The following RBFOX2 variants were observed in gnomAD, a reference collection of about 807,000 sequenced individuals.
RBFOX2 encodes the protein RNA binding fox-1 homolog 2.
A neutral mutation model predicts 49.1 loss-of-function variants in RBFOX2; 10 were observed. The ratio of observed to expected loss-of-function variants is 0.20; its 90% CI spans 0.13 to 0.35. RBFOX2 has a LOEUF of 0.35. RBFOX2 is among the 10% of genes least tolerant of loss of function. The probability of loss-of-function intolerance (pLI) is 1.00; values close to 1 mark genes in which losing one functional copy is unlikely to be tolerated. For missense variants in RBFOX2, 323 were observed against 486.9 expected, an observed-to-expected ratio of 0.66 and a Z score of 3.17; for synonymous variants, 183 against 187.4, an observed-to-expected ratio of 0.98 and a Z score of 0.19.
chr22:35,911,693 T>C (rs995881281), intron 1 of RBFOX2, among the ~76,000 whole-genome samples: 2 of 152,154 alleles, frequency 1.3e-5, no homozygotes, highest in African/African-American at 4.8e-5. Context: ...ATTGGTGGAA[T>C]CTCCCCTTCC....
intron 1 of RBFOX2, among the ~76,000 whole-genome samples, chr22:35,933,402 G>A (rs1258844390): frequency 6.6e-6 from 1 of 152,152 alleles, no homozygotes; most frequent in Admixed American, 6.6e-5. Flanking sequence ...AAACAAAATA[G>A]TACACTACAG....
At chr22:36,028,482 C>A in exon 1 of RBFOX2, 1 of 1,125,582 alleles carries the variant, frequency 8.9e-7, no homozygotes, top group South Asian at 4.4e-5. Context: ...GCCACCTCCC[C>A]CTGGGCCTCG....
At chr22:35,980,182 G>A (rs953784859) in intron 1 of RBFOX2, among the ~76,000 whole-genome samples, 4 of 152,046 alleles carry the variant, frequency 2.6e-5, no homozygotes, top group African/African-American at 9.7e-5. Flanking sequence ...ATATACTTAG[G>A]TCATGTAGGT....
At chr22:35,791,385 C>T (rs74707171) in intron 2 of RBFOX2, among the ~76,000 whole-genome samples, 1 of 130,012 alleles carries the variant, frequency 7.7e-6, no homozygotes, top group Admixed American at 7.6e-5. Flanking sequence ...AACTCTGTCT[C>T]AAAAAAAAAA....
intron 1 of RBFOX2, among the ~76,000 whole-genome samples, chr22:35,899,049 C>T (rs1387828167): frequency 1.3e-5 from 2 of 151,894 alleles, no homozygotes; most frequent in Non-Finnish European, 2.9e-5. Context: ...ACCCAGGAGG[C>T]AGAGGTTGCG....
At chr22:35,992,617 T>C (rs1039339354) in intron 1 of RBFOX2, 64 of 152,350 alleles carry the variant, frequency 4.2e-4, no homozygotes, top group African/African-American at 1.4e-3. Flanking sequence ...CTTCCCATTA[T>C]GATACCTAGT....
exon 11 of RBFOX2, chr22:35,745,939 T>C (rs1482519163): frequency 2.5e-6 from 4 of 1,613,484 alleles, no homozygotes; most frequent in Non-Finnish European, 3.4e-6. Flanking sequence ...GCCAACTCCA[T>C]AGCTAGCGGC....
rs1034256823 is a variant in RBFOX2 at position 35,987,627 on chromosome 22, A to G, written c.186+40613T>C. Reference sequence around the variant, plus strand: ...TTTACATCAGGTCAGCCTCTAGGGAATTAATCTGTCAGCCTGTCATAAAGA... The same window carrying G: ...TTTACATCAGGTCAGCCTCTAGGGAGTTAATCTGTCAGCCTGTCATAAAGA... On this transcript the variant is annotated intron_variant, in intron 1 of 13. Transcript: ENST00000438146. Among the ~76,000 whole-genome samples, 5 of 152,332 alleles carry G rather than the reference A, an allele frequency of 3.3e-5. No homozygotes were observed. In the East Asian group the frequency reaches 7.7e-4, roughly 23 times the overall value.
intron 1 of RBFOX2, among the ~76,000 whole-genome samples, chr22:35,954,753 C>T (rs901620031): frequency 6.6e-6 from 1 of 152,162 alleles, no homozygotes; most frequent in Non-Finnish European, 1.5e-5. Flanking sequence ...GGAAAATAAG[C>T]TAGGGATTCT....
intron 1 of RBFOX2, among the ~76,000 whole-genome samples, chr22:35,818,475 T>C (rs998852655): frequency 9.2e-5 from 14 of 152,222 alleles, no homozygotes; most frequent in African/African-American, 3.1e-4. Context: ...ATCTTCCATA[T>C]GCTAAACTGG....
At chr22:35,890,641 G>A (rs1284566944) in intron 1 of RBFOX2, among the ~76,000 whole-genome samples, 1 of 152,122 alleles carries the variant, frequency 6.6e-6, no homozygotes. Context: ...TTTAGGGATG[G>A]ACAAACCACA....
intron 1 of RBFOX2, among the ~76,000 whole-genome samples, chr22:35,829,322 G>A (rs570195412): frequency 6.6e-6 from 1 of 152,110 alleles, no homozygotes; most frequent in East Asian, 1.9e-4. Flanking sequence ...GTTAGAATTA[G>A]CAGATGAGGA....
chr22:35,874,809 T>C (rs2044804871), intron 1 of RBFOX2, among the ~76,000 whole-genome samples: 2 of 152,192 alleles, frequency 1.3e-5, no homozygotes, highest in Non-Finnish European at 2.9e-5. Flanking sequence ...GGACCAAGTG[T>C]TTGTGTCCCC....
At chr22:35,855,126 G>A (rs1029405889) in intron 1 of RBFOX2, among the ~76,000 whole-genome samples, 1 of 151,966 alleles carries the variant, frequency 6.6e-6, no homozygotes, top group Admixed American at 6.5e-5. Context: ...TTACTCCTGA[G>A]TCCCCTCCCT....
At position 35,855,239 on chromosome 22, in the gene RBFOX2, T is replaced by C. The variant is rs1213554343; in HGVS notation, c.-33-45235A>G. 3.3e-5 allele frequency among the ~76,000 whole-genome samples: 5 copies of C among 152,324 alleles called. No homozygotes were observed. In the East Asian group the frequency reaches 9.6e-4, roughly 29 times the overall value. On this transcript the variant is annotated intron_variant, in intron 1 of 13. Coordinates refer to the RBFOX2 transcript ENST00000359369. ...TTTTCCACAATAAACTCAAGAGTTA[T>C]TGGCTGATGATGCCAATCTATTCCA...
chr22:35,874,265 A>G (rs1040090626), intron 1 of RBFOX2, among the ~76,000 whole-genome samples: 1 of 152,364 alleles, frequency 6.6e-6, no homozygotes, highest in African/African-American at 2.4e-5. Flanking sequence ...TGTACAAGGC[A>G]ATGTAAAAGG....
intron 1 of RBFOX2, among the ~76,000 whole-genome samples, chr22:35,937,830 C>A (rs1289576183): frequency 6.6e-6 from 1 of 152,106 alleles, no homozygotes; most frequent in Non-Finnish European, 1.5e-5. Flanking sequence ...ACCTCATGAT[C>A]CACCCACCTT....
intron 1 of RBFOX2, among the ~76,000 whole-genome samples, chr22:36,011,298 T>C (rs1229658793): frequency 6.6e-6 from 1 of 152,152 alleles, no homozygotes. Context: ...ATCAGGTATC[T>C]GCAGGGTATT....
chr22:35,959,397 G>T (rs1302177692), intron 1 of RBFOX2, among the ~76,000 whole-genome samples: 1 of 152,162 alleles, frequency 6.6e-6, no homozygotes, highest in South Asian at 2.1e-4. Flanking sequence ...GAAGGTAAGT[G>T]TATGATTATC....
Sources: allele counts gnomAD v4.1 joint callset (sites outside exome capture counted in the v4.1 genomes callset), GRCh38; gene constraint gnomAD v4.1.1; transcripts MANE v1.5; gene names NCBI Gene and HGNC (gene_info 2026-07-23, HGNC 2026-07-21).